SERPINB10: variants seen among roughly 807,000 people sequenced by gnomAD.
SERPINB10 encodes serpin family B member 10, also known as serpin B10.
In SERPINB10, 35 loss-of-function variants were observed where a neutral mutation model predicts 39.1. The observed-to-expected ratio is 0.90, with a 90% CI of 0.68 to 1.19. SERPINB10 has a LOEUF of 1.19. Among genes scored for constraint, SERPINB10 ranks in the 50% most tolerant of loss-of-function variants. The pLI, the probability that SERPINB10 is intolerant of heterozygous loss-of-function variation, is 0.00. For missense variants in SERPINB10, 546 were observed against 460.5 expected (o/e 1.19, Z -1.70); for synonymous variants, 190 against 158.1 (o/e 1.20, Z -1.52).
chr18:63,917,934 TTTTA>T, intron 3 of SERPINB10, 27 bp from the exon 4 acceptor site: 1 of 1,601,200 alleles, frequency 6.2e-7, no homozygotes, highest in Non-Finnish European at 8.5e-7. Context: ...TTGTTCAACA[TTTTA>T]TTTGACTAGT....
At chr18:63,916,198 T>G (rs1175798073) in intron 2 of SERPINB10, among the ~76,000 whole-genome samples, 2 of 151,896 alleles carry the variant, frequency 1.3e-5, no homozygotes, top group Non-Finnish European at 2.9e-5. Flanking sequence ...TATACAGAAC[T>G]ATTTTTGCAA....
At chr18:63,918,614 C>A (rs539850240) in intron 4 of SERPINB10, among the ~76,000 whole-genome samples, 5 of 152,080 alleles carry the variant, frequency 3.3e-5, no homozygotes, top group African/African-American at 9.6e-5. Context: ...GGCAGGAGGA[C>A]CCGTGTGTCC....
At chr18:63,929,918 GA>G in intron 5 of SERPINB10, 126 bp from the exon 6 acceptor site, 1 of 952,390 alleles carries the variant, frequency 1.0e-6, no homozygotes, top group Non-Finnish European at 1.6e-6. Context: ...TCCATTTCCA[GA>G]AAATCAAAAA....
intron 6 of SERPINB10, among the ~76,000 whole-genome samples, chr18:63,931,667 T>C (rs2050223116): frequency 6.6e-6 from 1 of 152,102 alleles, no homozygotes; most frequent in Non-Finnish European, 1.5e-5. Flanking sequence ...CTCTCATATG[T>C]CCCCCCTTCA....
At position 63,919,832 on chromosome 18, in the gene SERPINB10, G is replaced by T; in HGVS notation, c.417G>T (p.Gln139His). The T allele has an allele frequency of 6.2e-7, 1 of 1,609,634 alleles. No homozygotes were observed. Among genetic ancestry groups the T allele is most frequent in the Admixed American group, 1.7e-5 (1 of 59,488 alleles). ...AAACATATTTTGGTGCAGAACCTCAGCCTGTTAACTTTGTGGAAGCTTCTG... is the reference window on the plus strand; with the variant it reads ...AAACATATTTTGGTGCAGAACCTCATCCTGTTAACTTTGTGGAAGCTTCTG... Reference protein sequence around the residue: ...DMKTYFGAEPQPVNFVEASDQ... With the variant: ...DMKTYFGAEPHPVNFVEASDQ... The change falls in exon 5 of 8, where the codon CAG (glutamine) becomes CAT (histidine). Residue 139 changes from glutamine (Q) to histidine (H), a missense_variant. Coordinates refer to ENST00000238508, the MANE Select transcript of SERPINB10 (RefSeq NM_005024.3).
intron 7 of SERPINB10, 110 bp downstream of exon 7, chr18:63,933,313 T>C (rs2050238012): frequency 8.3e-7 from 1 of 1,200,578 alleles, no homozygotes. Flanking sequence ...GTTCTCCCTA[T>C]TATTTAATTC....
intron 1 of SERPINB10, among the ~76,000 whole-genome samples, chr18:63,914,738 T>C (rs1282260057): frequency 6.6e-6 from 1 of 151,988 alleles, no homozygotes; most frequent in African/African-American, 2.4e-5. Context: ...GGTGCACATT[T>C]GCTGTGGATT....
Position 63,934,984 on chromosome 18 carries a change from T to G in SERPINB10, c.936T>G (p.Ser312Arg). The G allele has an allele frequency of 6.2e-7, 1 of 1,614,196 alleles. No individual in the cohort carries two copies. The highest frequency in any genetic ancestry group is 8.5e-7 in the Non-Finnish European group (1 of 1,180,028). ...CAACCCTGAGCAGTATGGGGATGAG[T>G]GATGCCTTCAGCCAAAGCAAAGCTG... ...LKSTLSSMGM[S>R]DAFSQSKADF... Residue 312 changes from serine to arginine, a missense_variant, in exon 8 of 8, where the codon AGT becomes AGG. Coordinates refer to ENST00000238508, the MANE Select transcript of SERPINB10 (RefSeq NM_005024.3).
chr18:63,917,423 G>A (rs199943841), intron 2 of SERPINB10, 33 bp from the exon 3 acceptor site: 38 of 1,279,874 alleles, frequency 3.0e-5, no homozygotes, highest in Admixed American at 8.8e-5. Flanking sequence ...CTTCTCTGCA[G>A]TCTATTCATT....
chr18:63,935,197 T>C lies in SERPINB10; in HGVS notation c.1149T>C (p.Asn383=), dbSNP rs1459606097. Residue 383 remains asparagine, a synonymous_variant, in exon 8 of 8, where the codon AAT becomes AAC. Coordinates refer to ENST00000238508, the MANE Select transcript of SERPINB10 (RefSeq NM_005024.3). ...NHPFLFFIRH[N]KTNTILFYGR... is the part of the protein sequence containing the mutation. ...CATTCCTCTTCTTCATCAGGCACAA[T>C]AAAACCAACACCATTCTTTTTTATG... 6.2e-7 allele frequency: 1 copy of C among 1,608,984 alleles called. No individual in the cohort carries two copies. Among genetic ancestry groups the C allele is most frequent in the Non-Finnish European group, 8.5e-7 (1 of 1,178,280 alleles).
At position 63,930,149 on chromosome 18, in the gene SERPINB10, G is replaced by C; in HGVS notation, c.595G>C (p.Val199Leu). ...AGGAATCTGGGAACATCAATTCTTA[G>C]TGCAAAACACCACAGAAAAGCCTTT... ...FKGIWEHQFL[V>L]QNTTEKPFRI... Residue 199 changes from valine (V) to leucine (L), a missense_variant, in exon 6 of 8, where the codon GTG becomes CTG. Transcript: ENST00000238508. 6.2e-7 allele frequency: 1 copy of C among 1,613,450 alleles called. No individual in the cohort carries two copies. The highest frequency in any genetic ancestry group is 8.5e-7 in the Non-Finnish European group (1 of 1,179,610).
intron 4 of SERPINB10, 50 bp downstream of exon 4, chr18:63,918,152 G>A (rs898519885): frequency 6.3e-7 from 1 of 1,584,412 alleles, no homozygotes; most frequent in Non-Finnish European, 8.6e-7. Flanking sequence ...AGAGCAATGT[G>A]AGACCAATCA....
chr18:63,917,426 T>C (rs1371397128), intron 2 of SERPINB10, 30 bp from the exon 3 acceptor site: 10 of 1,309,868 alleles, frequency 7.6e-6, no homozygotes, highest in Non-Finnish European at 1.1e-5. Context: ...CTCTGCAGTC[T>C]ATTCATTTGT....
intron 4 of SERPINB10, among the ~76,000 whole-genome samples, chr18:63,918,764 T>C (rs2050123754): frequency 6.6e-6 from 1 of 152,032 alleles, no homozygotes; most frequent in East Asian, 1.9e-4. Context: ...GCTTTGTTAT[T>C]ACTAAAGACA....
At chr18:63,928,290 T>C (rs1489767506) in intron 5 of SERPINB10, among the ~76,000 whole-genome samples, 2 of 152,088 alleles carry the variant, frequency 1.3e-5, no homozygotes, top group East Asian at 1.9e-4. Flanking sequence ...CAGTTTTATC[T>C]ACCTCAGTTA....
intron 7 of SERPINB10, among the ~76,000 whole-genome samples, chr18:63,933,553 A>G (rs1312308433): frequency 6.6e-6 from 1 of 152,194 alleles, no homozygotes; most frequent in South Asian, 2.1e-4. Context: ...CCATCTTTCA[A>G]TCAGTCTAGG....
chr18:63,930,319 C>T, intron 6 of SERPINB10, 132 bp downstream of exon 6: 1 of 962,660 alleles, frequency 1.0e-6, no homozygotes, highest in South Asian at 1.7e-5. Flanking sequence ...GATGGCTGGG[C>T]TAAAAGCCTT....
chr18:63,933,010 C>T, intron 6 of SERPINB10, 38 bp from the exon 7 acceptor site: 2 of 1,586,802 alleles, frequency 1.3e-6, no homozygotes, highest in East Asian at 4.5e-5. Context: ...TCTTCAATGA[C>T]CTTGTTACCT....
intron 5 of SERPINB10, among the ~76,000 whole-genome samples, chr18:63,925,053 T>C (rs139935744): frequency 3.3e-5 from 5 of 152,124 alleles, no homozygotes; most frequent in Non-Finnish European, 7.4e-5. Flanking sequence ...ATCCTGAAAC[T>C]ACTTTATGTT....
Sources: allele counts gnomAD v4.1 joint callset (sites outside exome capture counted in the v4.1 genomes callset), GRCh38; gene constraint gnomAD v4.1.1; transcripts MANE v1.5; gene names NCBI Gene and HGNC (gene_info 2026-07-23, HGNC 2026-07-21).